The following PLXNC1 variants were observed in gnomAD, a reference collection of about 807,000 sequenced individuals.
PLXNC1 encodes the protein plexin C1.
Under a neutral mutation model 178.2 loss-of-function variants are expected in PLXNC1, and 75 were observed. That is an observed-to-expected ratio of 0.42 (90% CI 0.35 to 0.51). The LOEUF (loss-of-function observed/expected upper bound fraction) is 0.51. Among genes scored for constraint, PLXNC1 ranks in the 20% least tolerant of loss-of-function variants. PLXNC1 has a pLI of 0.02. For synonymous variants in PLXNC1, 790 were observed against 779.9 expected (o/e 1.01, Z -0.22); for missense variants, 1,503 against 1,984.4 (o/e 0.76, Z 4.61).
intron 4 of PLXNC1, among the ~76,000 whole-genome samples, chr12:94,207,184 A>G (rs1342256237): frequency 2.0e-5 from 3 of 152,086 alleles, no homozygotes; most frequent in African/African-American, 7.2e-5. Context: ...TTTTATTTGT[A>G]CTGGTGAGAG....
In PLXNC1 at chr12:94,169,218, G is replaced by A; in HGVS notation, c.1128G>A (p.Leu376=). The A allele has an allele frequency of 1.2e-6, 2 of 1,613,894 alleles. No individual in the cohort carries two copies. The highest frequency in any genetic ancestry group is 1.1e-5 in the South Asian group (1 of 91,076). Residue 376 remains leucine, a synonymous_variant, in exon 2 of 31, where the codon CTG becomes CTA. Coordinates refer to ENST00000258526, the MANE Select transcript of PLXNC1 (RefSeq NM_005761.3). ...IASSTLIHSD[L]TSVYGTVVMN... Reference sequence around the variant, plus strand: ...CATCTACCTTGATCCATTCCGACCTGACATCCGTTTATGGCACCGTGGTAA... The same window carrying A: ...CATCTACCTTGATCCATTCCGACCTAACATCCGTTTATGGCACCGTGGTAA...
chr12:94,208,520 G>A (rs1022680741), intron 4 of PLXNC1, among the ~76,000 whole-genome samples: 1 of 152,102 alleles, frequency 6.6e-6, no homozygotes, highest in Non-Finnish European at 1.5e-5. Context: ...CATTCCGCTC[G>A]GATCCCCTCC....
At chr12:94,168,031 TAAGACATAAATTGA>T (rs1486658496) in intron 1 of PLXNC1, 1 of 152,196 alleles carries the variant, frequency 6.6e-6, no homozygotes, top group African/African-American at 2.4e-5. Flanking sequence ...GAATATTTAA[TAAGACATAAATTGA>T]AAGACATAAA....
intron 1 of PLXNC1, among the ~76,000 whole-genome samples, chr12:94,163,273 G>A (rs1170422649): frequency 2.3e-4 from 35 of 151,972 alleles, no homozygotes; most frequent in African/African-American, 7.3e-4. Context: ...CAGGAGAATC[G>A]CTTGAACCCG....
chr12:94,287,868 T>C (rs1010261744), intron 23 of PLXNC1, among the ~76,000 whole-genome samples: 3 of 152,240 alleles, frequency 2.0e-5, no homozygotes, highest in Non-Finnish European at 4.4e-5. Context: ...TTCTAGGGCT[T>C]TGACCAACAG....
intron 21 of PLXNC1, among the ~76,000 whole-genome samples, chr12:94,274,215 G>A (rs536204577): frequency 1.4e-5 from 2 of 146,640 alleles, no homozygotes; most frequent in Admixed American, 1.4e-4. Flanking sequence ...GTGTGCACCT[G>A]TAGTCTCTGC....
At chr12:94,206,823 T>C (rs1963315415) in intron 4 of PLXNC1, among the ~76,000 whole-genome samples, 1 of 152,226 alleles carries the variant, frequency 6.6e-6, no homozygotes, top group Non-Finnish European at 1.5e-5. Context: ...TATCAGCCTA[T>C]CTGAGAGTGC....
rs528066032 is a variant in PLXNC1 at position 94,208,148 on chromosome 12, A to G, written c.1440-1442A>G. ...AATGTCTTTGACGGATGAGCTAGCCATCAAGGGTCAGATAAATTTATGGCT... is the reference window on the plus strand; with the variant it reads ...AATGTCTTTGACGGATGAGCTAGCCGTCAAGGGTCAGATAAATTTATGGCT... On this transcript the variant is annotated intron_variant, in intron 4 of 30. Coordinates refer to ENST00000258526, the MANE Select transcript of PLXNC1 (RefSeq NM_005761.3). Among the ~76,000 whole-genome samples, 200 of 152,358 alleles carry G rather than the reference A, an allele frequency of 1.3e-3. 3 individuals carry two copies. Among genetic ancestry groups the G allele is most frequent in the Non-Finnish European group, 2.1e-4 (14 of 68,026 alleles).
At chr12:94,282,833 G>A (rs1285382461) in intron 23 of PLXNC1, 1 of 154,384 alleles carries the variant, frequency 6.5e-6, no homozygotes, top group African/African-American at 2.4e-5. Flanking sequence ...GCTTCCTGAA[G>A]AAGTTCTAAA....
At chr12:94,229,520 A>G (rs2136034232) in intron 9 of PLXNC1, among the ~76,000 whole-genome samples, 1 of 152,328 alleles carries the variant, frequency 6.6e-6, no homozygotes, top group South Asian at 2.1e-4. Context: ...TTATTTGTAA[A>G]GGTCTGTAGC....
chr12:94,172,018 G>C (rs1180407571), intron 2 of PLXNC1, among the ~76,000 whole-genome samples: 1 of 152,180 alleles, frequency 6.6e-6, no homozygotes, highest in African/African-American at 2.4e-5. Flanking sequence ...ACCCAGGATC[G>C]TGTGGATGAT....
At chr12:94,177,922 A>G (rs546087917) in intron 2 of PLXNC1, among the ~76,000 whole-genome samples, 1 of 152,344 alleles carries the variant, frequency 6.6e-6, no homozygotes, top group Admixed American at 6.5e-5. Context: ...ATCTCTCAAA[A>G]CCTACAGTTG....
chr12:94,277,377 T>C (rs1482063581), intron 21 of PLXNC1, among the ~76,000 whole-genome samples: 1 of 152,188 alleles, frequency 6.6e-6, no homozygotes, highest in African/African-American at 2.4e-5. Context: ...ATTCAGATCA[T>C]AGCAGCATTA....
At chr12:94,222,762 T>A (rs1332364001) in intron 6 of PLXNC1, among the ~76,000 whole-genome samples, 1 of 152,044 alleles carries the variant, frequency 6.6e-6, no homozygotes, top group African/African-American at 2.4e-5. Flanking sequence ...CGGACACTTA[T>A]AGATTCCACT....
intron 9 of PLXNC1, among the ~76,000 whole-genome samples, chr12:94,230,320 T>C (rs1964063544): frequency 6.6e-6 from 1 of 152,212 alleles, no homozygotes; most frequent in East Asian, 1.9e-4. Context: ...AGGCAGCGGC[T>C]TTTTAAACTT....
intron 9 of PLXNC1, among the ~76,000 whole-genome samples, chr12:94,235,258 G>C (rs551817015): frequency 6.6e-6 from 1 of 152,288 alleles, no homozygotes; most frequent in East Asian, 1.9e-4. Flanking sequence ...GAAATAAAAA[G>C]TTAATAAGAT....
chr12:94,173,261 T>C (rs575823150), intron 2 of PLXNC1, among the ~76,000 whole-genome samples: 11 of 152,344 alleles, frequency 7.2e-5, no homozygotes, highest in Non-Finnish European at 1.5e-4. Context: ...CAGCCTATCA[T>C]GTGGTTTGGA....
At position 94,303,833 on chromosome 12, in the gene PLXNC1, A is replaced by C. The variant is rs769765040; in HGVS notation, c.4464A>C (p.Ala1488=). 1.2e-6 allele frequency: 2 copies of C among 1,612,016 alleles called. No individual in the cohort carries two copies. Among genetic ancestry groups the C allele is most frequent in the Non-Finnish European group, 1.7e-6 (2 of 1,179,076 alleles). The change falls in exon 29 of 31, where the codon GCA becomes GCC. Residue 1488 remains alanine (A), a synonymous_variant. Transcript: ENST00000258526. ...AAGAAGTAAAATCTTATTACAAAGC[A>C]ATCAGGGATTTGCCTCCATTGTCAT... ...YKEEVKSYYK[A]IRDLPPLSSS...
At chr12:94,214,439 A>G (rs1255881682) in intron 5 of PLXNC1, among the ~76,000 whole-genome samples, 3 of 152,216 alleles carry the variant, frequency 2.0e-5, no homozygotes, top group East Asian at 1.9e-4. Flanking sequence ...CACCATCGCT[A>G]ATACTGTTGA....
Sources: allele counts gnomAD v4.1 joint callset (sites outside exome capture counted in the v4.1 genomes callset), GRCh38; gene constraint gnomAD v4.1.1; transcripts MANE v1.5; gene names NCBI Gene and HGNC (gene_info 2026-07-23, HGNC 2026-07-21).